The following PTPRE variants were observed in gnomAD, a reference collection of about 807,000 sequenced individuals.
PTPRE encodes the protein protein tyrosine phosphatase receptor type E.
A neutral mutation model predicts 102.0 loss-of-function variants in PTPRE; 51 were observed. That is an observed-to-expected ratio of 0.50 (90% confidence interval 0.40 to 0.63). The LOEUF (loss-of-function observed/expected upper bound fraction) is 0.63, where lower values mean the gene tolerates loss of function less well. Among genes scored for constraint, PTPRE ranks in the 30% least tolerant of loss-of-function variants. The pLI, the probability that PTPRE is intolerant of heterozygous loss-of-function variation, is 0.00. For missense variants in PTPRE, 752 were observed against 915.1 expected, an observed-to-expected ratio of 0.82 and a Z score of 2.30; for synonymous variants, 345 against 348.2, an observed-to-expected ratio of 0.99 and a Z score of 0.10.
chr10:127,990,197 A>C (rs761980546), intron 2 of PTPRE, among the ~76,000 whole-genome samples: 16 of 152,042 alleles, frequency 1.1e-4, no homozygotes, highest in Admixed American at 3.9e-4. Context: ...GGATCACTTG[A>C]GGTCAGGAGT....
chr10:128,044,351 G>C (rs897835437), intron 3 of PTPRE, among the ~76,000 whole-genome samples: 3 of 152,194 alleles, frequency 2.0e-5, no homozygotes, highest in African/African-American at 7.2e-5. Context: ...ATAAGATAGG[G>C]GACACAGTGA....
At chr10:127,984,928 C>G (rs1851955824) in intron 2 of PTPRE, among the ~76,000 whole-genome samples, 1 of 152,178 alleles carries the variant, frequency 6.6e-6, no homozygotes. Context: ...AGGTAGAATA[C>G]CAGACTGATC....
At position 127,985,758 on chromosome 10, in the gene PTPRE, G is replaced by A. The variant is rs139332146; in HGVS notation, c.-8+3462G>A. ...GTATCAAAAGGAGTTCCCTTTACTAGCAGTATTCCAATTTTTCACTTAAAA... is the reference window on the plus strand; with the variant it reads ...GTATCAAAAGGAGTTCCCTTTACTAACAGTATTCCAATTTTTCACTTAAAA... On this transcript the variant is annotated intron_variant, in intron 2 of 20. Transcript: ENST00000254667. 7.0e-4 allele frequency among the ~76,000 whole-genome samples: 106 copies of A among 152,018 alleles called. No homozygotes were observed. The Middle Eastern group carries it at 0.017, about 25-fold the overall frequency.
intron 2 of PTPRE, among the ~76,000 whole-genome samples, chr10:128,000,114 A>C (rs560914720): frequency 4.6e-5 from 7 of 152,292 alleles, no homozygotes; most frequent in African/African-American, 1.7e-4. Context: ...TAGGAATGTC[A>C]CAGCAGTTCT....
chr10:127,983,399 T>C (rs1851802114), intron 2 of PTPRE, among the ~76,000 whole-genome samples: 1 of 152,210 alleles, frequency 6.6e-6, no homozygotes, highest in East Asian at 1.9e-4. Context: ...AATGGGGAAC[T>C]CTTCTTGGGT....
At chr10:128,072,922 AG>A (rs1446470305) in intron 16 of PTPRE, among the ~76,000 whole-genome samples, 1 of 152,186 alleles carries the variant, frequency 6.6e-6, no homozygotes, top group Non-Finnish European at 1.5e-5. Context: ...TCGCAGAAGA[AG>A]GGCAAAAGGG....
At chr10:128,017,099 G>C (rs560786698) in intron 2 of PTPRE, among the ~76,000 whole-genome samples, 2 of 152,118 alleles carry the variant, frequency 1.3e-5, no homozygotes, top group African/African-American at 4.8e-5. Context: ...AGAATGCTGG[G>C]AGGAGACAGC....
Position 127,943,967 on chromosome 10 carries a change from T to C in PTPRE, c.-31+36658T>C, listed in dbSNP as rs200857235. On this transcript the variant is annotated intron_variant, in intron 1 of 20. Transcript: ENST00000254667. ...GAGGAGGAAGTAGTTCCTATGGGCA[T>C]TGGGGCTGGGAAGTCTAATTAGAAG... 1.4e-3 allele frequency among the ~76,000 whole-genome samples: 218 copies of C among 152,254 alleles called. 2 individuals carry two copies. Among genetic ancestry groups the C allele is most frequent in the African/African-American group, 5.1e-3 (212 of 41,556 alleles).
Position 128,070,573 on chromosome 10 carries a change from A to AG in PTPRE, c.1293+127dup, listed in dbSNP as rs1343543010. 7.5e-7 allele frequency: 1 copy of AG among 1,336,400 alleles called. No homozygotes were observed. Among genetic ancestry groups the AG allele is most frequent in the African/African-American group, 1.5e-5 (1 of 67,968 alleles). The allele number at this position is 1,336,400 out of a possible 1,614,324, so 82.8% of individuals were successfully genotyped here. On this transcript the variant is annotated intron_variant, in intron 14 of 20. Transcript: ENST00000254667. This position sits in a 1 kb window ranked among gnomAD's most constrained non-coding sequence, Gnocchi z 4.8. ...CCCCTTAACTGACCTCAGAAAAAGC[A>AG]GGGGCAATACCTGAGCCATGATTTA...
chr10:128,067,485 CACAT>C (rs1286851182), intron 11 of PTPRE, among the ~76,000 whole-genome samples: 8 of 152,024 alleles, frequency 5.3e-5, no homozygotes, highest in African/African-American at 1.9e-4. Flanking sequence ...CACACGTGCG[CACAT>C]ACACACATTC....
chr10:127,975,111 G>A (rs1023246003), intron 1 of PTPRE, among the ~76,000 whole-genome samples: 8 of 152,220 alleles, frequency 5.3e-5, no homozygotes, highest in African/African-American at 1.9e-4. Context: ...CTGGCGTCTA[G>A]TGGGTTTGGG....
chr10:127,993,804 C>A (rs1054705037), intron 2 of PTPRE, among the ~76,000 whole-genome samples: 1 of 142,930 alleles, frequency 7.0e-6, no homozygotes, highest in Non-Finnish European at 1.5e-5. Context: ...TGTGTGTGAC[C>A]TTCTATTTAA....
intron 7 of PTPRE, among the ~76,000 whole-genome samples, chr10:128,060,257 C>T (rs79659515): frequency 0.015 from 2,211 of 151,792 alleles, 57 homozygotes; most frequent in East Asian, 0.12. Flanking sequence ...ACACACCACA[C>T]ACACAATACA....
chr10:127,956,557 GA>G (rs1849416233), intron 1 of PTPRE, among the ~76,000 whole-genome samples: 2 of 152,206 alleles, frequency 1.3e-5, no homozygotes, highest in Non-Finnish European at 2.9e-5. Context: ...TTTTTGTGTG[GA>G]CATAAGTTTT....
intron 2 of PTPRE, among the ~76,000 whole-genome samples, chr10:128,019,295 C>T (rs969149262): frequency 2.0e-5 from 3 of 152,216 alleles, no homozygotes; most frequent in Admixed American, 6.5e-5. Context: ...TGGCAGTTCC[C>T]GCCTCATAAG....
intron 2 of PTPRE, among the ~76,000 whole-genome samples, chr10:128,032,377 A>G (rs1846834500): frequency 6.6e-6 from 1 of 152,212 alleles, no homozygotes; most frequent in Non-Finnish European, 1.5e-5. Context: ...AAGGTTCTGT[A>G]GACTGTCCAC....
At chr10:128,006,117 A>G (rs1231032860) in intron 2 of PTPRE, among the ~76,000 whole-genome samples, 1 of 152,174 alleles carries the variant, frequency 6.6e-6, no homozygotes, top group African/African-American at 2.4e-5. Flanking sequence ...GAGGTTCCAG[A>G]TGGTCATGAA....
chr10:127,927,335 G>A (rs1847105298), intron 1 of PTPRE, among the ~76,000 whole-genome samples: 1 of 152,192 alleles, frequency 6.6e-6, no homozygotes, highest in African/African-American at 2.4e-5. Flanking sequence ...TGAAGTACTG[G>A]CTTGTATTCC....
At chr10:127,913,328 A>T (rs553047010) in intron 1 of PTPRE, among the ~76,000 whole-genome samples, 18 of 152,356 alleles carry the variant, frequency 1.2e-4, no homozygotes, top group African/African-American at 4.3e-4. Flanking sequence ...AAATGCACAA[A>T]CATAATTTTT....
Sources: gnomAD v4.1 joint callset for allele counts (sites outside exome capture counted in the v4.1 genomes callset) on GRCh38, gnomAD v4.1.1 for gene constraint, Gnocchi (gnomAD v3.1) non-coding constraint, MANE v1.5 for transcripts, NCBI Gene and HGNC (gene_info 2026-07-23, HGNC 2026-07-21) for gene names.